The following UGT8 variants were observed in gnomAD, a reference collection of about 807,000 sequenced individuals.
UGT8 encodes the protein UDP glycosyltransferase 8.
A neutral mutation model predicts 40.5 loss-of-function variants in UGT8; 12 were observed. That is an observed-to-expected ratio of 0.30 (90% CI 0.19 to 0.48). The LOEUF is 0.48. Among genes scored for constraint, UGT8 ranks in the 20% least tolerant of loss-of-function variants. The pLI is 0.99. For synonymous variants in UGT8, 224 were observed against 240.4 expected, an observed-to-expected ratio of 0.93 and a Z score of 0.63; for missense variants, 513 against 648.7, an observed-to-expected ratio of 0.79 and a Z score of 2.27.
rs1285355894 is a variant in UGT8, at chr4:114,676,293, A to G, written c.*5A>G. The G allele has an allele frequency of 6.4e-7, 1 of 1,571,842 alleles. No homozygotes were observed. Among genetic ancestry groups the G allele is most frequent in the Non-Finnish European group, 8.6e-7 (1 of 1,160,302 alleles). Reference sequence around the variant, plus strand: ...CATGAAAAGAAAGTGAAATGAGCCAACAGCCCAGGTGATAGAAATAAATTG... The same window carrying G: ...CATGAAAAGAAAGTGAAATGAGCCAGCAGCCCAGGTGATAGAAATAAATTG... On this transcript the variant is annotated 3_prime_UTR_variant, in exon 6 of 6. Transcript: ENST00000310836.
intron 2 of UGT8, among the ~76,000 whole-genome samples, chr4:114,637,252 GT>G (rs1178118726): frequency 6.6e-6 from 1 of 152,162 alleles, no homozygotes; most frequent in Non-Finnish European, 1.5e-5. Flanking sequence ...GTCTTTGTGA[GT>G]TCTACAATGC....
intron 5 of UGT8, among the ~76,000 whole-genome samples, chr4:114,669,957 T>A (rs139106217): frequency 1.7e-3 from 252 of 152,310 alleles, no homozygotes; most frequent in African/African-American, 5.7e-3. Context: ...TATTCCACAT[T>A]TAACAGGTGA....
chr4:114,622,173 C>T (rs1731847488), intron 1 of UGT8, among the ~76,000 whole-genome samples: 2 of 142,756 alleles, frequency 1.4e-5, no homozygotes, highest in South Asian at 4.5e-4. Context: ...TCCCATTGTT[C>T]AATTCCCACC....
rs61733375 is a variant in UGT8, at chr4:114,623,615, C to A, written c.735C>A (p.Asp245Glu). ...HGSSLWMLCTDVALEFPRPTL... is the reference protein window; with the variant it reads ...HGSSLWMLCTEVALEFPRPTL... ...CCAGCCTGTGGATGCTGTGTACTGA[C>A]GTAGCACTGGAATTCCCAAGACCCA... The change falls in exon 2 of 6, where the codon GAC (aspartate) becomes GAA (glutamate). Residue 245 changes from aspartate (D) to glutamate (E), a missense_variant. This residue lies in a region of UGT8 where 335 missense variants were observed against 444.8 expected (regional missense o/e 0.75). Transcript: ENST00000310836. 2.5e-6 allele frequency: 4 copies of A among 1,614,044 alleles called. No homozygotes were observed. In the East Asian group the frequency reaches 8.9e-5, roughly 36 times the overall value.
intron 4 of UGT8, 104 bp downstream of exon 4, chr4:114,665,860 T>A: frequency 2.4e-6 from 2 of 833,066 alleles, no homozygotes; most frequent in Non-Finnish European, 3.6e-6. Context: ...GTATACGGTA[T>A]GTATGTAGTA....
intron 1 of UGT8, among the ~76,000 whole-genome samples, chr4:114,616,796 G>T (rs1731470684): frequency 6.6e-6 from 1 of 152,110 alleles, no homozygotes. Context: ...GGAAAAATGG[G>T]AAATACAGGG....
intron 1 of UGT8, among the ~76,000 whole-genome samples, chr4:114,615,322 G>A (rs1731338955): frequency 6.6e-6 from 1 of 152,142 alleles, no homozygotes; most frequent in Admixed American, 6.5e-5. Context: ...GGGAAGGCAT[G>A]TAGCAATTAA....
intron 5 of UGT8, among the ~76,000 whole-genome samples, chr4:114,675,216 T>A (rs1735549778): frequency 6.6e-6 from 1 of 152,226 alleles, no homozygotes; most frequent in Non-Finnish European, 1.5e-5. Context: ...TATCTTTTTC[T>A]CCATCTTTCT....
intron 2 of UGT8, among the ~76,000 whole-genome samples, chr4:114,662,824 T>C (rs1363660578): frequency 7.7e-6 from 1 of 129,776 alleles, no homozygotes; most frequent in African/African-American, 2.9e-5. Context: ...TGCTTTTTTT[T>C]TTTTTTTTTT....
intron 2 of UGT8, among the ~76,000 whole-genome samples, chr4:114,640,413 G>A (rs1733151346): frequency 1.3e-5 from 2 of 152,154 alleles, no homozygotes; most frequent in African/African-American, 4.8e-5. Context: ...TATAGGTATT[G>A]ACTCAAGTAG....
chr4:114,628,737 T>A (rs1263216701), intron 2 of UGT8, among the ~76,000 whole-genome samples: 1 of 78,942 alleles, frequency 1.3e-5, no homozygotes, highest in Non-Finnish European at 3.3e-5. Context: ...GGAAGCATAG[T>A]CTTGGGGAGA....
intron 2 of UGT8, among the ~76,000 whole-genome samples, chr4:114,624,865 A>G (rs1560678205): frequency 6.6e-6 from 1 of 152,180 alleles, no homozygotes; most frequent in Non-Finnish European, 1.5e-5. Flanking sequence ...ACTGGAGGCC[A>G]TGAGGGCACA....
At chr4:114,657,165 G>A (rs1274937053) in intron 2 of UGT8, among the ~76,000 whole-genome samples, 1 of 151,426 alleles carries the variant, frequency 6.6e-6, no homozygotes, top group Admixed American at 6.6e-5. Flanking sequence ...TATCTCCTCA[G>A]TACCTTGCCA....
intron 2 of UGT8, among the ~76,000 whole-genome samples, chr4:114,658,651 G>A (rs1176152712): frequency 5.3e-5 from 8 of 152,126 alleles, no homozygotes; most frequent in Non-Finnish European, 1.0e-4. Flanking sequence ...CATTTTTTAA[G>A]AAGCTACTTA....
chr4:114,660,894 A>C (rs1734486635), intron 2 of UGT8, among the ~76,000 whole-genome samples: 1 of 151,358 alleles, frequency 6.6e-6, no homozygotes, highest in African/African-American at 2.4e-5. Context: ...CTGTCTCAAA[A>C]AAAAAAAAAA....
intron 1 of UGT8, among the ~76,000 whole-genome samples, chr4:114,616,626 C>T (rs1275635581): frequency 6.6e-6 from 1 of 152,090 alleles, no homozygotes; most frequent in Non-Finnish European, 1.5e-5. Flanking sequence ...CTGTCCAACA[C>T]TCCCCAGTGA....
At chr4:114,603,518 T>A (rs1249712139) in intron 1 of UGT8, among the ~76,000 whole-genome samples, 2 of 151,848 alleles carry the variant, frequency 1.3e-5, no homozygotes, top group East Asian at 3.9e-4. Context: ...AACGAGAAGG[T>A]ACAGAACAAG....
intron 1 of UGT8, among the ~76,000 whole-genome samples, chr4:114,612,336 A>T (rs1257397008): frequency 6.6e-6 from 1 of 152,156 alleles, no homozygotes; most frequent in African/African-American, 2.4e-5. Context: ...AGGAGGGTTT[A>T]AAAAAGCCAA....
intron 2 of UGT8, among the ~76,000 whole-genome samples, chr4:114,642,083 A>T (rs1249738608): frequency 6.6e-6 from 1 of 152,150 alleles, no homozygotes; most frequent in Non-Finnish European, 1.5e-5. Flanking sequence ...TGCTACCTAG[A>T]TGCTTAACAG....
Sources: gnomAD v4.1 joint callset for allele counts (sites outside exome capture counted in the v4.1 genomes callset) on GRCh38, gnomAD v4.1.1 for gene constraint, gnomAD v4.1.1 regional missense constraint, MANE v1.5 for transcripts, NCBI Gene and HGNC (gene_info 2026-07-23, HGNC 2026-07-21) for gene names.